Variants in DDAH1 observed in about 807,000 individuals in gnomAD.
DDAH1 encodes dimethylarginine dimethylaminohydrolase 1.
A neutral mutation model predicts 28.8 loss-of-function variants in DDAH1; 19 were observed. The ratio of observed to expected loss-of-function variants is 0.66; its 90% confidence interval spans 0.46 to 0.97. The LOEUF (loss-of-function observed/expected upper bound fraction) is 0.97. Ranked by LOEUF, DDAH1 falls within the 50% of genes least tolerant of loss-of-function variation. DDAH1 has a pLI of 0.00. For missense variants in DDAH1, 326 were observed against 375.9 expected, an observed-to-expected ratio of 0.87 and a Z score of 1.10; for synonymous variants, 153 against 154.4, an observed-to-expected ratio of 0.99 and a Z score of 0.07.
intron 1 of DDAH1, among the ~76,000 whole-genome samples, chr1:85,429,111 A>G (rs1304745726): frequency 3.3e-5 from 5 of 151,942 alleles, no homozygotes; most frequent in Non-Finnish European, 7.4e-5. Context: ...GGTTTGCTGC[A>G]CCCAACAACC....
intron 1 of DDAH1, among the ~76,000 whole-genome samples, chr1:85,410,933 G>C (rs1652626696): frequency 6.6e-6 from 1 of 152,176 alleles, no homozygotes; most frequent in African/African-American, 2.4e-5. Flanking sequence ...ACAGGTGTGG[G>C]AAAGAGGGAG....
intron 1 of DDAH1, among the ~76,000 whole-genome samples, chr1:85,366,608 T>A (rs2100875434): frequency 6.6e-6 from 1 of 152,242 alleles, no homozygotes; most frequent in Middle Eastern, 3.4e-3. Context: ...GTAATCCTAT[T>A]TTCCTCCCAT....
At chr1:85,350,593 T>TA in intron 3 of DDAH1, 59 bp from the exon 4 acceptor site, 1 of 1,564,406 alleles carries the variant, frequency 6.4e-7, no homozygotes, top group Non-Finnish European at 8.7e-7. Flanking sequence ...TAAAACTGAT[T>TA]AAAAACCTCC....
intron 1 of DDAH1, among the ~76,000 whole-genome samples, chr1:85,460,194 T>C (rs571162585): frequency 2.5e-4 from 38 of 152,340 alleles, no homozygotes; most frequent in African/African-American, 7.2e-4. Context: ...TGATGTTCAC[T>C]TGCCTCCAGG....
intron 2 of DDAH1, among the ~76,000 whole-genome samples, chr1:85,473,098 C>T (rs1158486196): frequency 6.6e-6 from 1 of 152,114 alleles, no homozygotes; most frequent in African/African-American, 2.4e-5. Context: ...TGTATATGTA[C>T]CACATTTTCT....
At chr1:85,336,181 A>G (rs78183447) in intron 4 of DDAH1, among the ~76,000 whole-genome samples, 2,620 of 152,252 alleles carry the variant, frequency 0.017, 68 homozygotes, top group East Asian at 0.12. Context: ...CATTTCATCC[A>G]ATAGCTGCAG....
intron 1 of DDAH1, among the ~76,000 whole-genome samples, chr1:85,543,261 T>C (rs919403008): frequency 5.9e-5 from 9 of 152,234 alleles, no homozygotes; most frequent in Non-Finnish European, 1.3e-4. Context: ...TCTATATACA[T>C]GTTCAACACA....
chr1:85,402,264 G>A (rs945130236), intron 1 of DDAH1, among the ~76,000 whole-genome samples: 1 of 149,594 alleles, frequency 6.7e-6, no homozygotes, highest in Non-Finnish European at 1.5e-5. Context: ...GCCTCTGAAA[G>A]TGCTGGGATT....
rs72954656 is a variant in DDAH1 at position 85,396,706 on chromosome 1, G to A, written c.304-37859C>T. 3.0e-3 allele frequency among the ~76,000 whole-genome samples: 454 copies of A among 152,138 alleles called. 1 individual carries two copies. The highest frequency in any genetic ancestry group is 0.01 in the African/African-American group (434 of 41,478). ...TGTCAATAAGAGATAACGTTTAACC[G>A]TCTTTTCCTTACATTTGTATAGATA... On this transcript the variant is annotated intron_variant, in intron 1 of 5. Transcript: ENST00000284031.
chr1:85,336,126 G>C (rs1310092764), intron 4 of DDAH1, among the ~76,000 whole-genome samples: 1 of 152,176 alleles, frequency 6.6e-6, no homozygotes, highest in Non-Finnish European at 1.5e-5. Context: ...AGACACGTTA[G>C]ATTTAAACTG....
At chr1:85,404,283 G>T in intron 1 of DDAH1, 2 of 1,197,484 alleles carry the variant, frequency 1.7e-6, no homozygotes, top group Non-Finnish European at 1.2e-6. Context: ...AGTTCATATT[G>T]ACCCATTATA....
intron 1 of DDAH1, among the ~76,000 whole-genome samples, chr1:85,406,867 G>C (rs960705175): frequency 6.6e-6 from 1 of 151,844 alleles, no homozygotes; most frequent in South Asian, 2.1e-4. Context: ...TTATATTAAA[G>C]CTTTAAAATA....
intron 1 of DDAH1, among the ~76,000 whole-genome samples, chr1:85,452,374 A>G (rs1654700793): frequency 2.0e-5 from 3 of 152,222 alleles, no homozygotes; most frequent in Non-Finnish European, 4.4e-5. Context: ...GACCTACACT[A>G]AGAAGTACAC....
At chr1:85,438,647 T>C (rs1654049072) in intron 1 of DDAH1, among the ~76,000 whole-genome samples, 2 of 152,212 alleles carry the variant, frequency 1.3e-5, no homozygotes, top group Admixed American at 1.3e-4. Flanking sequence ...CACCAAGTCC[T>C]GCTTAAACTG....
chr1:85,496,685 T>G (rs1656606719), intron 1 of DDAH1, among the ~76,000 whole-genome samples: 1 of 152,238 alleles, frequency 6.6e-6, no homozygotes, highest in Admixed American at 6.5e-5. Flanking sequence ...CTCACAATGA[T>G]GTACAGCAAA....
At chr1:85,449,262 A>T (rs1654563329) in intron 1 of DDAH1, among the ~76,000 whole-genome samples, 1 of 152,218 alleles carries the variant, frequency 6.6e-6, no homozygotes, top group Non-Finnish European at 1.5e-5. Flanking sequence ...ACATATGAGA[A>T]GGTTGGCAGA....
chr1:85,341,076 C>A (rs1648445756), intron 4 of DDAH1, among the ~76,000 whole-genome samples: 1 of 152,200 alleles, frequency 6.6e-6, no homozygotes, highest in Admixed American at 6.5e-5. Flanking sequence ...GACCCTGAAC[C>A]ATTTATTAGC....
chr1:85,469,923 A>G (rs976504897), upstream of DDAH1, among the ~76,000 whole-genome samples: 26 of 152,294 alleles, frequency 1.7e-4, no homozygotes, highest in Admixed American at 1.4e-3. Flanking sequence ...TGACATACCT[A>G]AAGCTATTTC....
At chr1:85,394,038 G>C (rs1228715794) in intron 1 of DDAH1, among the ~76,000 whole-genome samples, 1 of 152,086 alleles carries the variant, frequency 6.6e-6, no homozygotes, top group Non-Finnish European at 1.5e-5. Flanking sequence ...TAATTAATTG[G>C]CTTAAAGAAA....
Sources: allele counts gnomAD v4.1 joint callset (sites outside exome capture counted in the v4.1 genomes callset), GRCh38; gene constraint gnomAD v4.1.1; transcripts MANE v1.5; gene names NCBI Gene and HGNC (gene_info 2026-07-23, HGNC 2026-07-21).